The following HERC3 variants were observed in gnomAD, a reference collection of about 807,000 sequenced individuals.
The protein encoded by HERC3 is HECT and RLD domain containing E3 ubiquitin protein ligase 3, also known as probable E3 ubiquitin-protein ligase HERC3.
Under a neutral mutation model 129.9 loss-of-function variants are expected in HERC3, and 58 were observed. The ratio of observed to expected loss-of-function variants is 0.45; its 90% CI spans 0.36 to 0.56. The LOEUF (loss-of-function observed/expected upper bound fraction) is 0.56, where lower values mean the gene tolerates loss of function less well. Ranked by LOEUF, HERC3 falls within the 20% of genes least tolerant of loss-of-function variation. The pLI, the probability that HERC3 is intolerant of heterozygous loss-of-function variation, is 0.00. For synonymous variants in HERC3, 430 were observed against 451.0 expected (o/e 0.95, Z 0.59); for missense variants, 835 against 1,244.2 (o/e 0.67, Z 4.95).
chr4:88,547,848 G>C, the HERC3 span, among the ~76,000 whole-genome samples: 32 of 152,170 alleles, frequency 2.1e-4, no homozygotes, highest in African/African-American at 7.2e-4. Context: ...TAGAGATAGG[G>C]TTTCACCACG....
intron 23 of HERC3, among the ~76,000 whole-genome samples, chr4:88,689,103 T>C (rs957528443): frequency 2.6e-5 from 4 of 152,222 alleles, no homozygotes; most frequent in African/African-American, 7.2e-5. Flanking sequence ...CTCTGGACTT[T>C]TATTGGCTTC....
upstream of HERC3, among the ~76,000 whole-genome samples, chr4:88,589,054 G>C (rs964337419): frequency 6.6e-6 from 1 of 151,916 alleles, no homozygotes; most frequent in African/African-American, 2.4e-5. Flanking sequence ...AAAAAGTTAT[G>C]GTTATATGTG....
At chr4:88,645,522 A>C (rs1728595867) in intron 3 of HERC3, among the ~76,000 whole-genome samples, 1 of 152,118 alleles carries the variant, frequency 6.6e-6, no homozygotes, top group African/African-American at 2.4e-5. Flanking sequence ...GTCCCTCCTT[A>C]TCTGCAGGGG....
At chr4:88,635,356 A>G (rs1727265032) in intron 3 of HERC3, among the ~76,000 whole-genome samples, 1 of 152,056 alleles carries the variant, frequency 6.6e-6, no homozygotes, top group Non-Finnish European at 1.5e-5. Flanking sequence ...CGTGAAGCAT[A>G]CACAAGTATC....
the HERC3 span, among the ~76,000 whole-genome samples, chr4:88,531,228 T>G: frequency 6.6e-6 from 1 of 152,018 alleles, no homozygotes; most frequent in African/African-American, 2.4e-5. Context: ...TAATTTAAAT[T>G]AAATTGTTGT....
chr4:88,529,582 CGT>C, the HERC3 span, among the ~76,000 whole-genome samples: 2 of 152,030 alleles, frequency 1.3e-5, no homozygotes, highest in Non-Finnish European at 2.9e-5. Flanking sequence ...GGTGAAACCC[CGT>C]CTCTACTAAA....
At chr4:88,545,912 T>C in the HERC3 span, among the ~76,000 whole-genome samples, 1 of 152,192 alleles carries the variant, frequency 6.6e-6, no homozygotes, top group Admixed American at 6.5e-5. Flanking sequence ...GTGCTCTATA[T>C]TTCCAACCTC....
intron 3 of HERC3, among the ~76,000 whole-genome samples, chr4:88,612,174 C>T (rs558589616): frequency 2.0e-5 from 3 of 151,998 alleles, no homozygotes; most frequent in African/African-American, 4.8e-5. Context: ...CCTTTTTTTC[C>T]TTCTTAAGAA....
chr4:88,637,286 C>T (rs1396884641), intron 3 of HERC3, among the ~76,000 whole-genome samples: 2 of 150,550 alleles, frequency 1.3e-5, no homozygotes, highest in Non-Finnish European at 3.0e-5. Context: ...ATTAGCCGGG[C>T]ATGATGGCGG....
At chr4:88,561,965 G>A in the HERC3 span, among the ~76,000 whole-genome samples, 1 of 152,164 alleles carries the variant, frequency 6.6e-6, no homozygotes, top group African/African-American at 2.4e-5. Flanking sequence ...TGATAGTACA[G>A]ATATCTTTGG....
chr4:88,697,686 TGCCGCTGCCTCC>T, intron 23 of HERC3: 1 of 1,611,596 alleles, frequency 6.2e-7, no homozygotes, highest in Non-Finnish European at 8.5e-7. Context: ...TTACCTCCTC[TGCCGCTGCCTCC>T]GCCGCTGCCG....
At position 88,707,091 on chromosome 4, in the gene HERC3, G is replaced by T. The variant is rs2924934; in HGVS notation, c.*131G>T. ...GTTGGGACTTTTAAATACTGAGCCT[G>T]GTTGATGTGTTTCTGGGATTGTATA... On this transcript the variant is annotated 3_prime_UTR_variant, in exon 26 of 26. Coordinates refer to ENST00000402738, the MANE Select transcript of HERC3 (RefSeq NM_014606.3). 0.15 allele frequency: 106,948 copies of T among 712,622 alleles called. 10,850 individuals are homozygous for T. The highest frequency in any genetic ancestry group is 0.34 in the South Asian group (18,138 of 53,104). The allele number at this position is 712,622 out of a possible 1,614,324, so 44.1% of individuals were successfully genotyped here.
At chr4:88,609,644 G>T (rs1364477780) in intron 3 of HERC3, among the ~76,000 whole-genome samples, 6 of 152,082 alleles carry the variant, frequency 3.9e-5, no homozygotes, top group Non-Finnish European at 1.5e-5. Context: ...ATAGTTCTTG[G>T]TGAAGGGGAT....
At chr4:88,590,473 T>TG (rs1486861418), upstream of HERC3, among the ~76,000 whole-genome samples, 35 of 152,106 alleles carry the variant, frequency 2.3e-4, no homozygotes, top group African/African-American at 8.4e-4. Flanking sequence ...ACAGGAGACT[T>TG]GCGTGAATCC....
At chr4:88,641,469 G>T (rs1411641990) in intron 3 of HERC3, among the ~76,000 whole-genome samples, 2 of 152,206 alleles carry the variant, frequency 1.3e-5, no homozygotes, top group Non-Finnish European at 2.9e-5. Context: ...GTAGAAATTA[G>T]TGTTATTGAA....
At chr4:88,647,576 G>A (rs1322044279) in intron 3 of HERC3, among the ~76,000 whole-genome samples, 1 of 152,170 alleles carries the variant, frequency 6.6e-6, no homozygotes, top group Non-Finnish European at 1.5e-5. Context: ...GGCTGAGTTG[G>A]GAAGTAAGTA....
the HERC3 span, among the ~76,000 whole-genome samples, chr4:88,568,106 G>T: frequency 1.3e-5 from 2 of 152,230 alleles, no homozygotes; most frequent in African/African-American, 4.8e-5. Flanking sequence ...AGAGATTCTT[G>T]TTCTCTTCCC....
chr4:88,543,015 T>A, the HERC3 span, among the ~76,000 whole-genome samples: 1 of 152,188 alleles, frequency 6.6e-6, no homozygotes, highest in African/African-American at 2.4e-5. Context: ...GCATTCCCTT[T>A]GAAAACTGTC....
intron 3 of HERC3, among the ~76,000 whole-genome samples, chr4:88,636,215 A>C (rs1370180678): frequency 1.3e-5 from 2 of 152,218 alleles, no homozygotes; most frequent in African/African-American, 2.4e-5. Flanking sequence ...AATTGGATAG[A>C]GTCAAGACCC....
Sources: gnomAD v4.1 joint callset for allele counts (sites outside exome capture counted in the v4.1 genomes callset) on GRCh38, gnomAD v4.1.1 for gene constraint, MANE v1.5 for transcripts, NCBI Gene and HGNC (gene_info 2026-07-23, HGNC 2026-07-21) for gene names.